SPTBN1: variants seen among roughly 807,000 people sequenced by gnomAD.
SPTBN1 encodes the protein spectrin beta chain, non-erythrocytic 1.
Under a neutral mutation model 266.4 loss-of-function variants are expected in SPTBN1, and 32 were observed. The ratio of observed to expected loss-of-function variants is 0.12; its 90% CI spans 0.09 to 0.16. The LOEUF (loss-of-function observed/expected upper bound fraction) is 0.16. Ranked by LOEUF, SPTBN1 falls within the 10% of genes least tolerant of loss-of-function variation. The pLI is 1.00. For synonymous variants in SPTBN1, 1,336 were observed against 1,162.2 expected (o/e 1.15, Z -3.04); for missense variants, 2,296 against 3,067.1 (o/e 0.75, Z 5.94).
intron 1 of SPTBN1, among the ~76,000 whole-genome samples, chr2:54,460,531 C>G (rs1413463306): frequency 1.3e-5 from 2 of 152,148 alleles, no homozygotes; most frequent in Non-Finnish European, 2.9e-5. Context: ...GAGCTGGAGC[C>G]TCGGAAGCTA....
At chr2:54,593,934 A>G (rs1263167484) in intron 2 of SPTBN1, among the ~76,000 whole-genome samples, 1 of 144,742 alleles carries the variant, frequency 6.9e-6, no homozygotes, top group Non-Finnish European at 1.5e-5. Context: ...CCCAGGTTCA[A>G]GTAGTTCTCC....
chr2:54,485,463 G>A (rs1180619346), intron 1 of SPTBN1, among the ~76,000 whole-genome samples: 3 of 152,250 alleles, frequency 2.0e-5, no homozygotes, highest in African/African-American at 4.8e-5. Flanking sequence ...AAGGTGCCGG[G>A]ATTGCAGACG....
intron 32 of SPTBN1, 87 bp downstream of exon 32, chr2:54,660,086 A>T: frequency 6.2e-7 from 1 of 1,613,716 alleles, no homozygotes; most frequent in Non-Finnish European, 8.5e-7. Flanking sequence ...CTGGACTGTG[A>T]AGTTCACTAC....
chr2:54,564,614 A>G (rs548819699), intron 2 of SPTBN1, among the ~76,000 whole-genome samples: 4 of 152,276 alleles, frequency 2.6e-5, no homozygotes, highest in Admixed American at 2.6e-4. Flanking sequence ...CCTGCCCTGC[A>G]TTTTGGCACC....
At chr2:54,542,716 C>G (rs1049754298) in intron 2 of SPTBN1, among the ~76,000 whole-genome samples, 3 of 152,140 alleles carry the variant, frequency 2.0e-5, no homozygotes, top group Non-Finnish European at 4.4e-5. Context: ...GAGATTGTGG[C>G]TGAGGGCTTG....
chr2:54,565,114 G>A (rs959953266), intron 2 of SPTBN1, among the ~76,000 whole-genome samples: 1 of 152,116 alleles, frequency 6.6e-6, no homozygotes, highest in African/African-American at 2.4e-5. Flanking sequence ...AAATTCTAGG[G>A]TGGGTCCTAC....
intron 4 of SPTBN1, among the ~76,000 whole-genome samples, chr2:54,615,073 T>C (rs577487800): frequency 1.3e-5 from 2 of 152,302 alleles, no homozygotes; most frequent in Non-Finnish European, 2.9e-5. Context: ...ATGATCCTAA[T>C]ATTAGAGACT....
intron 24 of SPTBN1, among the ~76,000 whole-genome samples, chr2:54,647,967 C>G (rs1015833742): frequency 1.3e-5 from 2 of 152,150 alleles, no homozygotes; most frequent in Non-Finnish European, 2.9e-5. Flanking sequence ...TTAAGAGGAG[C>G]ATTAGACAAG....
chr2:54,625,885 C>A (rs1352574353), intron 11 of SPTBN1, 47 bp from the exon 12 acceptor site: 1 of 1,575,430 alleles, frequency 6.3e-7, no homozygotes, highest in East Asian at 2.3e-5. Flanking sequence ...GCTACTGTGC[C>A]CGGGTGGATT....
chr2:54,597,126 G>T (rs1428185637), intron 2 of SPTBN1, among the ~76,000 whole-genome samples: 1 of 152,088 alleles, frequency 6.6e-6, no homozygotes. Flanking sequence ...CCAGTATAAC[G>T]CATAAAGGAT....
chr2:54,666,417 T>C (rs1038629476), intron 34 of SPTBN1, among the ~76,000 whole-genome samples: 4 of 152,176 alleles, frequency 2.6e-5, no homozygotes, highest in African/African-American at 4.8e-5. Flanking sequence ...CTTTGAAAAA[T>C]AGTTTCCCCA....
At chr2:54,535,848 C>T (rs13387476) in intron 2 of SPTBN1, among the ~76,000 whole-genome samples, 45,684 of 152,066 alleles carry the variant, frequency 0.3, 8,314 homozygotes, top group East Asian at 0.45. Flanking sequence ...CCCATCTCTA[C>T]TAAAAATACA....
intron 35 of SPTBN1, among the ~76,000 whole-genome samples, 175 bp from the exon 36 acceptor site, chr2:54,668,176 C>T (rs1053428414): frequency 6.6e-6 from 1 of 152,190 alleles, no homozygotes; most frequent in Non-Finnish European, 1.5e-5. Context: ...TCATGAGAAG[C>T]TGAACCAGGT....
Position 54,645,278 on chromosome 2 carries a change from A to T in SPTBN1, c.4319A>T (p.Gln1440Leu). 1.2e-6 allele frequency: 2 copies of T among 1,614,204 alleles called. No homozygotes were observed. Among genetic ancestry groups the T allele is most frequent in the Non-Finnish European group, 1.7e-6 (2 of 1,180,022 alleles). Reference protein sequence around the residue: ...EVRKKEIEELQSQAQALSQEG... With the variant: ...EVRKKEIEELLSQAQALSQEG... ...CGGAAGAAGGAGATCGAAGAGCTCC[A>T]AAGCCAAGCCCAGGCCCTGAGTCAG... Residue 1440 changes from glutamine to leucine, a missense_variant, in exon 21 of 36, where the codon CAA becomes CTA. Physicochemically the swap from Gln to Leu is moderately radical, Grantham distance 113 (BLOSUM62 -2). Around this residue, in one of 12 missense-constraint regions of SPTBN1, gnomAD observed 386 missense variants for 486.1 expected, o/e 0.79. Coordinates refer to ENST00000356805, the MANE Select transcript of SPTBN1 (RefSeq NM_003128.3). The surrounding 1 kb of genome is among the most constrained non-coding windows in gnomAD (Gnocchi z 4.3).
intron 2 of SPTBN1, among the ~76,000 whole-genome samples, chr2:54,555,665 G>A (rs1382797702): frequency 6.6e-6 from 1 of 151,904 alleles, no homozygotes; most frequent in Non-Finnish European, 1.5e-5. Flanking sequence ...GTCTCCAGTG[G>A]CTCCAGACCA....
intron 2 of SPTBN1, among the ~76,000 whole-genome samples, chr2:54,574,705 G>A (rs1390823122): frequency 1.3e-5 from 2 of 152,152 alleles, no homozygotes; most frequent in Non-Finnish European, 2.9e-5. Flanking sequence ...AGCTCGATCA[G>A]TGCAGTCTGG....
intron 1 of SPTBN1, among the ~76,000 whole-genome samples, chr2:54,499,309 G>A (rs1669132448): frequency 6.6e-6 from 1 of 152,060 alleles, no homozygotes; most frequent in South Asian, 2.1e-4. Context: ...AAACTTTGCT[G>A]GTTCATGAGA....
At chr2:54,591,414 A>G (rs1157717217) in intron 2 of SPTBN1, among the ~76,000 whole-genome samples, 2 of 152,236 alleles carry the variant, frequency 1.3e-5, no homozygotes, top group Non-Finnish European at 2.9e-5. Flanking sequence ...AGCAAAAACT[A>G]CATGATTGCT....
intron 4 of SPTBN1, 74 bp from the exon 5 acceptor site, chr2:54,616,133 G>A (rs959846971): frequency 2.4e-6 from 3 of 1,260,402 alleles, no homozygotes; most frequent in African/African-American, 3.0e-5. Context: ...TTATGTATAT[G>A]CAGACCTGTT....
Sources: allele counts gnomAD v4.1 joint callset (sites outside exome capture counted in the v4.1 genomes callset), GRCh38; gene constraint gnomAD v4.1.1; regional missense constraint gnomAD v4.1.1; non-coding constraint Gnocchi (gnomAD v3.1); transcripts MANE v1.5; gene names NCBI Gene and HGNC (gene_info 2026-07-23, HGNC 2026-07-21).